FBXO21: variants seen among roughly 807,000 people sequenced by gnomAD.
The protein encoded by FBXO21 is F-box only protein 21.
FBXO21 carries 32 observed loss-of-function variants against 76.6 expected under a neutral mutation model. The ratio of observed to expected loss-of-function variants is 0.42; its 90% CI spans 0.32 to 0.56. FBXO21 has a LOEUF of 0.56. Among genes scored for constraint, FBXO21 ranks in the 20% least tolerant of loss-of-function variants. The pLI is 0.16. For synonymous variants in FBXO21, 328 were observed against 311.5 expected, an observed-to-expected ratio of 1.05 and a Z score of -0.56; for missense variants, 586 against 797.3, an observed-to-expected ratio of 0.73 and a Z score of 3.19.
chr12:117,172,015 C>T (rs116615690), intron 7 of FBXO21, among the ~76,000 whole-genome samples: 2,295 of 152,280 alleles, frequency 0.015, 60 homozygotes, highest in African/African-American at 0.053. Flanking sequence ...CTTTCCCTCC[C>T]TTCCTCTCTT....
At chr12:117,169,854 T>C (rs543432372) in intron 7 of FBXO21, among the ~76,000 whole-genome samples, 2 of 151,840 alleles carry the variant, frequency 1.3e-5, no homozygotes, top group East Asian at 1.9e-4. Flanking sequence ...AAGGCAAGAG[T>C]CCCTGCTATC....
intron 11 of FBXO21, among the ~76,000 whole-genome samples, chr12:117,153,392 T>C (rs1175538147): frequency 6.6e-6 from 1 of 152,152 alleles, no homozygotes; most frequent in African/African-American, 2.4e-5. Context: ...TTTACAGAGA[T>C]AATCGAGTTA....
At chr12:117,157,565 C>T (rs11068377) in intron 10 of FBXO21, among the ~76,000 whole-genome samples, 28,062 of 152,112 alleles carry the variant, frequency 0.18, 3,216 homozygotes, top group East Asian at 0.43. Flanking sequence ...AGAAAAAACT[C>T]GTGTCTTACA....
rs778493680 is a variant in FBXO21, at chr12:117,190,265, C to T, written c.192G>A (p.Glu64=). The part of the protein sequence containing the change: ...RVSSTCRRLR[E]LCQSSGKVWK... ...ACACCTTCCCGCTGCTCTGGCACAG[C>T]TCGCGCAGCCGCCGGCAGGTGCTGG... Residue 64 remains glutamate, a synonymous_variant, in exon 1 of 12, where the codon GAG becomes GAA. Transcript: ENST00000622495. The T allele has an allele frequency of 1.3e-6, 2 of 1,545,992 alleles. No individual in the cohort carries two copies. Among genetic ancestry groups the T allele is most frequent in the Admixed American group, 3.8e-5 (2 of 52,642 alleles).
At chr12:117,146,383 T>A in intron 11 of FBXO21, 106 bp from the exon 12 acceptor site, 2 of 900,988 alleles carry the variant, frequency 2.2e-6, no homozygotes, top group Non-Finnish European at 3.4e-6. Context: ...ATTTTTGGGG[T>A]GGAGAAGGGA....
rs552449249 is a variant in FBXO21, at chr12:117,183,368, T to C, written c.470+3109A>G. ...CACGCCTCCCAGGTTCAAGCAATTA[T>C]CCTGCCTCAGCCTCCCCAGTAGCTG... On this transcript the variant is annotated intron_variant, in intron 3 of 11. Transcript: ENST00000622495. 5.3e-5 allele frequency among the ~76,000 whole-genome samples: 8 copies of C among 152,180 alleles called. No homozygotes were observed. In the South Asian group the frequency reaches 1.5e-3, roughly 28 times the overall value.
At chr12:117,164,274 C>CTTTT (rs538169408) in intron 9 of FBXO21, among the ~76,000 whole-genome samples, 47 of 126,826 alleles carry the variant, frequency 3.7e-4, no homozygotes, top group South Asian at 8.0e-4. Context: ...CTTTTCTTTT[C>CTTTT]TTTTTTTTTT....
intron 11 of FBXO21, among the ~76,000 whole-genome samples, chr12:117,153,562 C>G (rs1386328033): frequency 6.6e-6 from 1 of 152,194 alleles, no homozygotes; most frequent in Non-Finnish European, 1.5e-5. Context: ...TCCACAGACA[C>G]CCCAAGGGGG....
chr12:117,145,019 T>A lies in FBXO21; in HGVS notation c.*1068A>T, dbSNP rs1180546377. On this transcript the variant is annotated 3_prime_UTR_variant, in exon 12 of 12. Coordinates refer to ENST00000622495, the MANE Select transcript of FBXO21 (RefSeq NM_015002.3). ...ACATTCAAACAGGCCTTGAAGTGACTCTAAGGAATAACAAGAGGTGTGAAA... is the reference window on the plus strand; with the variant it reads ...ACATTCAAACAGGCCTTGAAGTGACACTAAGGAATAACAAGAGGTGTGAAA... The A allele has an allele frequency of 6.6e-6, 1 of 151,482 alleles. No individual in the cohort carries two copies. The highest frequency in any genetic ancestry group is 1.5e-5 in the Non-Finnish European group (1 of 67,888). 9.4% of individuals were successfully genotyped at this position (151,482 alleles called of 1,614,324 possible).
rs150712813 is a variant in FBXO21, at chr12:117,189,411, G to A, written c.240-49C>T. The A allele has an allele frequency of 2.1e-4, 338 of 1,610,198 alleles. No individual in the cohort carries two copies. In the Middle Eastern group the frequency reaches 3.1e-3, roughly 15 times the overall value. On this transcript the variant is annotated intron_variant, in intron 1 of 11. Coordinates refer to ENST00000622495, the MANE Select transcript of FBXO21 (RefSeq NM_015002.3). ...CAGCTTAACAGAAACTCAAAGGCAG[G>A]CGGCCACGAATCCAAGGCAGCCTTG... is the stretch of plus-strand genomic sequence containing the variant.
intron 11 of FBXO21, among the ~76,000 whole-genome samples, chr12:117,152,462 CA>C (rs5801220): frequency 0.016 from 1,630 of 103,546 alleles, 11 homozygotes; most frequent in African/African-American, 0.038. Flanking sequence ...CACCCTGTCT[CA>C]AAAAAAAAAA....
At position 117,190,412 on chromosome 12, in the gene FBXO21, C is replaced by G; in HGVS notation, c.45G>C (p.Ala15=). 2 of 1,484,354 alleles carry G rather than the reference C, an allele frequency of 1.3e-6. No individual in the cohort carries two copies. The highest frequency in any genetic ancestry group is 8.9e-7 in the Non-Finnish European group (1 of 1,121,108). 91.9% of individuals were successfully genotyped at this position (1,484,354 alleles called of 1,614,324 possible). ...CCTCCGGCGCGGCCTCCTCCGCCAG[C>G]GCCGGCACCACCTCCATCGCGCTGT... is the stretch of plus-strand genomic sequence containing the variant. ...AVDSAMEVVP[A]LAEEAAPEVA... The change falls in exon 1 of 12, where the codon GCG becomes GCC. Residue 15 remains alanine, a synonymous_variant. Transcript: ENST00000622495.
intron 4 of FBXO21, among the ~76,000 whole-genome samples, chr12:117,175,410 C>T (rs1956163413): frequency 6.6e-6 from 1 of 152,244 alleles, no homozygotes; most frequent in South Asian, 2.1e-4. Context: ...CTCCTCTTCA[C>T]AGTCTTAGGT....
chr12:117,155,781 C>A lies in FBXO21; in HGVS notation c.1675+10G>T. 6.2e-7 allele frequency: 1 copy of A among 1,609,712 alleles called. No individual in the cohort carries two copies. The highest frequency in any genetic ancestry group is 8.5e-7 in the Non-Finnish European group (1 of 1,177,684). On this transcript the variant is annotated intron_variant, in intron 11 of 11. Coordinates refer to ENST00000622495, the MANE Select transcript of FBXO21 (RefSeq NM_015002.3). ...CGGGGCCACTGGCACAAGCGGAACC[C>A]GCCGCTTACCTTGGGCTGCGTATCG...
Position 117,146,088 on chromosome 12 carries a change from T to C in FBXO21, c.1865A>G (p.Ter622=), listed in dbSNP as rs375022889. 5 of 1,590,932 alleles carry C rather than the reference T, an allele frequency of 3.1e-6. No homozygotes were observed. Among genetic ancestry groups the C allele is most frequent in the East Asian group, 2.2e-5 (1 of 44,640 alleles). Residue 622 remains the stop codon, a stop_retained_variant, in exon 12 of 12, where the codon TAA becomes TGA. Coordinates refer to ENST00000622495, the MANE Select transcript of FBXO21 (RefSeq NM_015002.3). ...AAGGTGCAATGTCCTCTCTAGACTT[T>C]ACTCATCTATGTTCTCTTTCTTTGC... ...YSAKKENIDE[*]
intron 3 of FBXO21, 59 bp from the exon 4 acceptor site, chr12:117,177,700 A>G (rs895569560): frequency 4.9e-6 from 7 of 1,442,158 alleles, no homozygotes; most frequent in Non-Finnish European, 6.8e-6. Flanking sequence ...TCTATTTTTC[A>G]CATTACACTA....
chr12:117,188,793 C>T (rs1475175312), intron 2 of FBXO21: 1 of 179,738 alleles, frequency 5.6e-6, no homozygotes, highest in Admixed American at 5.5e-5. Context: ...CTGGGTAGAA[C>T]CTGCAAAGCC....
intron 9 of FBXO21, among the ~76,000 whole-genome samples, chr12:117,162,275 G>A (rs929504344): frequency 1.3e-5 from 2 of 151,734 alleles, no homozygotes; most frequent in Non-Finnish European, 2.9e-5. Flanking sequence ...GAAGGAGAAG[G>A]TGCCTGTGTG....
intron 9 of FBXO21, 152 bp from the exon 10 acceptor site, chr12:117,158,215 G>T: frequency 1.3e-6 from 1 of 789,604 alleles, no homozygotes; most frequent in Admixed American, 2.6e-5. Flanking sequence ...CAGGTCTCTG[G>T]ACCATCCTCT....
Sources: gnomAD v4.1 joint callset for allele counts (sites outside exome capture counted in the v4.1 genomes callset) on GRCh38, gnomAD v4.1.1 for gene constraint, MANE v1.5 for transcripts, NCBI Gene and HGNC (gene_info 2026-07-23, HGNC 2026-07-21) for gene names.